Variants in ROBO2 observed in about 807,000 individuals in gnomAD.
ROBO2 encodes roundabout guidance receptor 2, also known as roundabout homolog 2.
ROBO2 carries 53 observed loss-of-function variants against 160.8 expected under a neutral mutation model. The observed-to-expected ratio is 0.33, with a 90% CI of 0.26 to 0.41. ROBO2 has a LOEUF of 0.41. Among genes scored for constraint, ROBO2 ranks in the 10% least tolerant of loss-of-function variants. The pLI, the probability that ROBO2 is intolerant of heterozygous loss-of-function variation, is 1.00. For synonymous variants in ROBO2, 664 were observed against 611.7 expected, an observed-to-expected ratio of 1.09 and a Z score of -1.26; for missense variants, 1,577 against 1,722.4, an observed-to-expected ratio of 0.92 and a Z score of 1.49.
chr3:76,874,463 C>A (rs1413993370), intron 2 of ROBO2, among the ~76,000 whole-genome samples: 1 of 152,080 alleles, frequency 6.6e-6, no homozygotes, highest in Admixed American at 6.6e-5. Context: ...CAGGGATGAG[C>A]TGACATGGTT....
chr3:76,345,441 C>CTTTT (rs5850253), intron 2 of ROBO2, among the ~76,000 whole-genome samples: 1 of 133,262 alleles, frequency 7.5e-6, no homozygotes, highest in African/African-American at 2.8e-5. Context: ...TCTTTTCTTT[C>CTTTT]TTTTTTTTTT....
At chr3:76,058,084 A>G (rs2067917001) in intron 2 of ROBO2, among the ~76,000 whole-genome samples, 1 of 121,802 alleles carries the variant, frequency 8.2e-6, no homozygotes. Flanking sequence ...ACTCATTATA[A>G]AGAGCTTTTT....
At chr3:77,548,680 A>G (rs920980356) in intron 7 of ROBO2, among the ~76,000 whole-genome samples, 1 of 151,998 alleles carries the variant, frequency 6.6e-6, no homozygotes, top group Non-Finnish European at 1.5e-5. Flanking sequence ...ATATAATTCC[A>G]GAGATATTAA....
intron 2 of ROBO2, among the ~76,000 whole-genome samples, chr3:77,161,491 T>A (rs1579507473): frequency 1.3e-5 from 2 of 152,212 alleles, no homozygotes; most frequent in Admixed American, 6.5e-5. Flanking sequence ...GTTAAAAGAT[T>A]TTAAATTATT....
chr3:77,249,412 C>T (rs1036390797), intron 2 of ROBO2, among the ~76,000 whole-genome samples: 21 of 152,004 alleles, frequency 1.4e-4, no homozygotes, highest in African/African-American at 3.9e-4. Flanking sequence ...AACTCTGAAA[C>T]GTCATGGCAT....
At chr3:76,046,928 A>T (rs764607997) in intron 2 of ROBO2, among the ~76,000 whole-genome samples, 1 of 152,174 alleles carries the variant, frequency 6.6e-6, no homozygotes, top group Admixed American at 6.5e-5. Flanking sequence ...CAAAGTATCC[A>T]TTTGTTCATT....
chr3:76,814,472 A>G (rs561541280), intron 2 of ROBO2, among the ~76,000 whole-genome samples: 1 of 152,278 alleles, frequency 6.6e-6, no homozygotes, highest in South Asian at 2.1e-4. Context: ...TTTATTGGAA[A>G]CATCAATTTC....
intron 2 of ROBO2, among the ~76,000 whole-genome samples, chr3:76,909,525 A>G (rs1278388982): frequency 6.6e-6 from 1 of 152,170 alleles, no homozygotes; most frequent in Non-Finnish European, 1.5e-5. Context: ...CATTCATGTA[A>G]CCAAACCTCT....
chr3:75,931,643 C>A (rs113861531), intron 1 of ROBO2, among the ~76,000 whole-genome samples: 32 of 152,244 alleles, frequency 2.1e-4, no homozygotes, highest in African/African-American at 5.3e-4. Flanking sequence ...TAAGCCACCA[C>A]GCCCGGCCCA....
intron 2 of ROBO2, among the ~76,000 whole-genome samples, chr3:76,833,961 CCTTT>C (rs936016190): frequency 9.5e-5 from 14 of 148,098 alleles, no homozygotes; most frequent in African/African-American, 2.7e-4. Flanking sequence ...TTTCTTCCTT[CCTTT>C]CTTTCTCTTT....
intron 2 of ROBO2, among the ~76,000 whole-genome samples, chr3:77,158,790 C>T (rs1028892005): frequency 1.3e-5 from 2 of 152,058 alleles, no homozygotes; most frequent in African/African-American, 4.8e-5. Context: ...TCTGATACTG[C>T]ATGCATGAAC....
At position 77,031,649 on chromosome 3, in the gene ROBO2, TAA is replaced by T. The variant is rs1487860764; in HGVS notation, c.110-66364_110-66363del. On this transcript the variant is annotated intron_variant, in intron 2 of 26. Transcript: ENST00000487694. ...AATTATATATTAATTTATTTATATATAAGACACATAATATATAATATATTAAA... is the reference window on the plus strand; with the variant it reads ...AATTATATATTAATTTATTTATATATGACACATAATATATAATATATTAAA... 4.8e-5 allele frequency among the ~76,000 whole-genome samples: 7 copies of T among 146,556 alleles called. No individual in the cohort carries two copies. The East Asian group carries it at 5.9e-4, about 12-fold the overall frequency.
chr3:77,253,683 A>G (rs2090626324), intron 2 of ROBO2, among the ~76,000 whole-genome samples: 1 of 152,200 alleles, frequency 6.6e-6, no homozygotes, highest in African/African-American at 2.4e-5. Context: ...AGAAATACCA[A>G]TAAATGTCAT....
At chr3:77,282,623 C>G (rs143606071) in intron 2 of ROBO2, among the ~76,000 whole-genome samples, 1 of 151,994 alleles carries the variant, frequency 6.6e-6, no homozygotes, top group Non-Finnish European at 1.5e-5. Flanking sequence ...ACCATTCATA[C>G]TTGATAAAAT....
intron 2 of ROBO2, among the ~76,000 whole-genome samples, chr3:77,267,741 G>A (rs1467345662): frequency 6.6e-6 from 1 of 152,142 alleles, no homozygotes; most frequent in African/African-American, 2.4e-5. Flanking sequence ...CAATTTGTGA[G>A]GGGGCTTGAC....
intron 22 of ROBO2, among the ~76,000 whole-genome samples, chr3:77,620,729 G>A (rs911949159): frequency 2.0e-5 from 3 of 152,180 alleles, no homozygotes; most frequent in African/African-American, 7.2e-5. Context: ...ACAAGTTCAA[G>A]AAGCCAGTTG....
At chr3:76,993,869 A>T (rs138128655) in intron 2 of ROBO2, among the ~76,000 whole-genome samples, 3 of 151,104 alleles carry the variant, frequency 2.0e-5, no homozygotes, top group Non-Finnish European at 4.4e-5. Context: ...ATATTTTTTT[A>T]ACTTTAGCTT....
rs1038914272 is a variant in ROBO2, at chr3:77,637,544, T to G, written c.3934+2501T>G. ...GTAAAAATGGTCACCACTGCCTTTC[T>G]GCCTTATATGTTCAGAAGATTAGCT... is the stretch of plus-strand genomic sequence containing the variant. On this transcript the variant is annotated intron_variant, in intron 24 of 25. Coordinates refer to ENST00000461745, the Ensembl canonical transcript of ROBO2. Among the ~76,000 whole-genome samples, 5 of 152,344 alleles carry G rather than the reference T, an allele frequency of 3.3e-5. No individual in the cohort carries two copies. The East Asian group carries it at 9.6e-4, about 29-fold the overall frequency.
intron 2 of ROBO2, among the ~76,000 whole-genome samples, chr3:76,576,600 A>G (rs1422574185): frequency 6.6e-6 from 1 of 151,866 alleles, no homozygotes; most frequent in Non-Finnish European, 1.5e-5. Context: ...CAGATTGAGA[A>G]TATATGTTTA....
Sources: gnomAD v4.1 joint callset for allele counts (sites outside exome capture counted in the v4.1 genomes callset) on GRCh38, gnomAD v4.1.1 for gene constraint, MANE v1.5 for transcripts, NCBI Gene and HGNC (gene_info 2026-07-23, HGNC 2026-07-21) for gene names.